IPPK: variants seen among roughly 807,000 people sequenced by gnomAD.
IPPK encodes the protein IPK1 homolog.
Under a neutral mutation model 64.6 loss-of-function variants are expected in IPPK, and 22 were observed. The ratio of observed to expected loss-of-function variants is 0.34; its 90% CI spans 0.24 to 0.49. IPPK has a LOEUF of 0.49. IPPK is among the 20% of genes least tolerant of loss of function. IPPK has a pLI of 0.99. For missense variants in IPPK, 532 were observed against 630.7 expected (o/e 0.84, Z 1.68); for synonymous variants, 262 against 247.2 (o/e 1.06, Z -0.56).
rs1482956541 is a variant in IPPK, at chr9:92,619,557, C to T, written c.1179G>A (p.Gln393=). 4 of 1,581,506 alleles carry T rather than the reference C, an allele frequency of 2.5e-6. No individual in the cohort carries two copies. The highest frequency in any genetic ancestry group is 1.8e-5 in the Admixed American group (1 of 54,188). ...CCTTGGCAGTCATGGCGACGCGGTA[C>T]TGCTGCACCTGCAGGGGCGGGAAAG... ...TVAFALTKVQ[Q]YRVAMTAKDC... is the part of the protein sequence containing the mutation. Residue 393 remains glutamine (Q), a synonymous_variant, in exon 12 of 13, where the codon CAG becomes CAA. Transcript: ENST00000287996.
chr9:92,643,950 A>T (rs1286312095), intron 6 of IPPK, among the ~76,000 whole-genome samples: 1 of 152,238 alleles, frequency 6.6e-6, no homozygotes, highest in Non-Finnish European at 1.5e-5. Flanking sequence ...TTATATGAGC[A>T]GGTAGTGCTT....
chr9:92,619,149 C>G (rs765605150), intron 12 of IPPK: 1 of 268,860 alleles, frequency 3.7e-6, no homozygotes, highest in South Asian at 5.5e-5. Context: ...GGTACCCACA[C>G]ATCTCAGGGG....
At chr9:92,634,629 C>T in intron 10 of IPPK, 141 bp from the exon 11 acceptor site, 1 of 640,880 alleles carries the variant, frequency 1.6e-6, no homozygotes, top group Non-Finnish European at 2.8e-6. Flanking sequence ...CTATCTCCCT[C>T]ATGTTAAACA....
chr9:92,623,217 A>G (rs1268547409), intron 11 of IPPK, among the ~76,000 whole-genome samples: 1 of 152,028 alleles, frequency 6.6e-6, no homozygotes, highest in African/African-American at 2.4e-5. Context: ...AGCGGATCAC[A>G]AGGTCAGGAG....
At chr9:92,630,116 A>C (rs1851811639) in intron 11 of IPPK, among the ~76,000 whole-genome samples, 1 of 152,240 alleles carries the variant, frequency 6.6e-6, no homozygotes, top group Non-Finnish European at 1.5e-5. Context: ...AGCATTGAGC[A>C]TAATAGCCAA....
Position 92,660,348 on chromosome 9 carries a change from C to G in IPPK, c.82-1667G>C, listed in dbSNP as rs2131461601. On this transcript the variant is annotated intron_variant, in intron 1 of 12. Transcript: ENST00000287996. ...AAATACATTACATGAAATCCCTGAT[C>G]AGTGTAAACTGACCCAGGCTGCCAT... Among the ~76,000 whole-genome samples, 3 of 152,336 alleles carry G rather than the reference C, an allele frequency of 2.0e-5. 1 individual carries two copies. Among genetic ancestry groups the G allele is most frequent in the Middle Eastern group, 6.8e-3 (2 of 294 alleles).
intron 12 of IPPK, 148 bp downstream of exon 12, chr9:92,619,338 C>A: frequency 1.6e-6 from 1 of 635,918 alleles, no homozygotes; most frequent in African/African-American, 1.8e-5. Context: ...GTTAGTAAGC[C>A]CCATGATGTC....
At chr9:92,658,710 G>T (rs761374989) in intron 1 of IPPK, 29 bp from the exon 2 acceptor site, 1 of 1,609,086 alleles carries the variant, frequency 6.2e-7, no homozygotes. Flanking sequence ...AATCTGATTA[G>T]TATTTGCTCA....
intron 12 of IPPK, chr9:92,618,696 A>G (rs1451765901): frequency 2.6e-6 from 1 of 388,786 alleles, no homozygotes; most frequent in East Asian, 7.2e-5. Flanking sequence ...AGTTAGCCCT[A>G]TAATGTTCCT....
At position 92,635,732 on chromosome 9, in the gene IPPK, CAG is replaced by C. The variant is rs1162622089; in HGVS notation, c.917-426_917-425del. On this transcript the variant is annotated intron_variant, in intron 9 of 12. Coordinates refer to ENST00000287996, the MANE Select transcript of IPPK (RefSeq NM_022755.6). The surrounding 1 kb of genome is among the most constrained non-coding windows in gnomAD (Gnocchi z 4.4). ...TTTCTTTTCTTTTTTTTTTTTGAGA[CAG>C]AGTCTTGCTCTCTGTGGCCCAGCCT... 6.6e-6 allele frequency among the ~76,000 whole-genome samples: 1 copy of C among 150,956 alleles called. No individual in the cohort carries two copies. The highest frequency in any genetic ancestry group is 1.5e-5 in the Non-Finnish European group (1 of 67,808).
intron 1 of IPPK, among the ~76,000 whole-genome samples, chr9:92,669,275 G>A (rs993060995): frequency 1.3e-5 from 2 of 152,032 alleles, no homozygotes; most frequent in Non-Finnish European, 2.9e-5. Flanking sequence ...CTTCACTCTT[G>A]GGATTCACCT....
At chr9:92,669,458 G>C (rs1852678479) in intron 1 of IPPK, among the ~76,000 whole-genome samples, 1 of 152,216 alleles carries the variant, frequency 6.6e-6, no homozygotes, top group Admixed American at 6.5e-5. Flanking sequence ...GAGAGTAACA[G>C]CACTGTGGGC....
At chr9:92,626,251 G>A (rs536554994) in intron 11 of IPPK, among the ~76,000 whole-genome samples, 13 of 152,098 alleles carry the variant, frequency 8.5e-5, no homozygotes, top group Non-Finnish European at 4.4e-5. Context: ...CAAAAAATTA[G>A]CTGGGCGTGG....
intron 9 of IPPK, among the ~76,000 whole-genome samples, chr9:92,637,142 G>A (rs942457860): frequency 2.6e-5 from 4 of 152,060 alleles, no homozygotes; most frequent in African/African-American, 4.8e-5. Flanking sequence ...CCAATATGGC[G>A]AAACCCTGTC....
intron 6 of IPPK, among the ~76,000 whole-genome samples, chr9:92,646,577 T>A (rs1178926711): frequency 6.6e-6 from 1 of 152,192 alleles, no homozygotes; most frequent in African/African-American, 2.4e-5. Context: ...AAACACAACA[T>A]ACCAAAATGT....
intron 2 of IPPK, 29 bp from the exon 3 acceptor site, chr9:92,656,580 C>A (rs747107676): frequency 7.7e-6 from 11 of 1,423,754 alleles, no homozygotes; most frequent in African/African-American, 1.4e-5. Context: ...GGACAGCCTT[C>A]GTGATGGGAC....
chr9:92,668,043 G>A (rs1011694687), intron 1 of IPPK, among the ~76,000 whole-genome samples: 3 of 152,216 alleles, frequency 2.0e-5, no homozygotes, highest in Non-Finnish European at 4.4e-5. Flanking sequence ...GCTGAGGTGG[G>A]TGTCACTTGA....
chr9:92,637,566 CCA>C (rs146328582), intron 9 of IPPK, among the ~76,000 whole-genome samples: 4,272 of 152,290 alleles, frequency 0.028, 94 homozygotes, highest in Non-Finnish European at 0.044. Context: ...TGTCTTCACC[CCA>C]GACTTGTGAA....
intron 1 of IPPK, among the ~76,000 whole-genome samples, chr9:92,667,693 C>T (rs1302250121): frequency 2.0e-5 from 3 of 150,070 alleles, no homozygotes; most frequent in Non-Finnish European, 4.5e-5. Flanking sequence ...CTGAGGCGGG[C>T]GGGTCATTTG....
Sources: allele counts gnomAD v4.1 joint callset (sites outside exome capture counted in the v4.1 genomes callset), GRCh38; gene constraint gnomAD v4.1.1; non-coding constraint Gnocchi (gnomAD v3.1); transcripts MANE v1.5; gene names NCBI Gene and HGNC (gene_info 2026-07-23, HGNC 2026-07-21).